Variants in PLCH2 observed in about 807,000 individuals in gnomAD.
The protein encoded by PLCH2 is 1-phosphatidylinositol 4,5-bisphosphate phosphodiesterase eta-2.
PLCH2 carries 98 observed loss-of-function variants against 134.7 expected under a neutral mutation model. The observed-to-expected ratio is 0.73, with a 90% confidence interval of 0.62 to 0.86. The LOEUF is 0.86. PLCH2 is among the 40% of genes least tolerant of loss of function. PLCH2 has a pLI of 0.00. For missense variants in PLCH2, 1,994 were observed against 1,986.6 expected (o/e 1.00, Z -0.07); for synonymous variants, 974 against 827.5 (o/e 1.18, Z -3.04).
rs923333930 is a variant in PLCH2 at position 2,444,331 on chromosome 1, C to T, written c.115+13702C>T. The stretch of plus-strand genomic sequence containing the variant: ...CCCCGATCCCTGCCGGATGGTGCCG[C>T]AGGGCACCCTGTGTGGGTCCGGGAG... On this transcript the variant is annotated intron_variant, in intron 2 of 3. Coordinates refer to the PLCH2 transcript ENST00000609981. The surrounding 1 kb of genome is among the most constrained non-coding windows in gnomAD (Gnocchi z 4.6). 1.3e-5 allele frequency among the ~76,000 whole-genome samples: 2 copies of T among 152,248 alleles called. No individual in the cohort carries two copies. Among genetic ancestry groups the T allele is most frequent in the African/African-American group, 4.8e-5 (2 of 41,466 alleles).
rs1048599367 is a variant in PLCH2, at chr1:2,504,242, G to A, written c.3280G>A (p.Val1094Met). Residue 1094 changes from valine (V) to methionine (M), a missense_variant, in exon 22 of 22, where the codon GTG (valine) becomes ATG (methionine). Physicochemically the swap from Val to Met is conservative, Grantham distance 21. This residue lies in a region of PLCH2 where 900 missense variants were observed against 752.3 expected (regional missense o/e 1.20). Transcript: ENST00000378486. ...TLGHLPVIRRVKSEGQVPTEP... is the reference protein window; with the variant it reads ...TLGHLPVIRRMKSEGQVPTEP... ...GGGCCACCTGCCCGTGATTAGAAGG[G>A]TGAAGAGTGAGGGGCAGGTGCCCAC... The A allele has an allele frequency of 6.3e-7, 1 of 1,583,402 alleles. No homozygotes were observed. Among genetic ancestry groups the A allele is most frequent in the Non-Finnish European group, 8.6e-7 (1 of 1,166,412 alleles).
Position 2,504,424 on chromosome 1 carries a change from T to C in PLCH2, c.3462T>C (p.Thr1154=), listed in dbSNP as rs777607396. 2 of 1,611,524 alleles carry C rather than the reference T, an allele frequency of 1.2e-6. No homozygotes were observed. The highest frequency in any genetic ancestry group is 2.2e-5 in the East Asian group (1 of 44,750). The change falls in exon 22 of 22, where the codon ACT becomes ACC. Residue 1154 remains threonine (T), a synonymous_variant. Coordinates refer to ENST00000378486, the MANE Select transcript of PLCH2 (RefSeq NM_014638.4). ...SSSSSMSSSD[T]VIDLSLPSLG... The stretch of plus-strand genomic sequence containing the variant: ...CCTCCAGCATGTCATCCAGCGACAC[T>C]GTCATTGACCTCTCCCTGCCCAGCC...
intron 2 of PLCH2, among the ~76,000 whole-genome samples, chr1:2,437,985 A>G (rs1639513044): frequency 6.6e-6 from 1 of 151,934 alleles, no homozygotes; most frequent in Non-Finnish European, 1.5e-5. Flanking sequence ...CCCCACCCCA[A>G]CTGAGCATCC....
intron 1 of PLCH2, among the ~76,000 whole-genome samples, chr1:2,477,539 G>C (rs556541593): frequency 1.3e-5 from 2 of 152,140 alleles, no homozygotes; most frequent in African/African-American, 2.4e-5. Context: ...TCTGGGACCC[G>C]GGCTTTCTGT....
At chr1:2,436,385 C>T (rs1248051385) in intron 2 of PLCH2, among the ~76,000 whole-genome samples, 7 of 81,814 alleles carry the variant, frequency 8.6e-5, no homozygotes, top group African/African-American at 1.7e-4. Flanking sequence ...CTCCTCCCTT[C>T]CTCCCTCCAC....
upstream of PLCH2, among the ~76,000 whole-genome samples, chr1:2,423,334 C>T (rs1638611673): frequency 6.6e-6 from 1 of 152,152 alleles, no homozygotes; most frequent in Non-Finnish European, 1.5e-5. Flanking sequence ...ACCACAGGCA[C>T]ATCCCCCCAC....
intron 8 of PLCH2, 108 bp downstream of exon 8, chr1:2,487,826 CTG>C (rs1642368332): frequency 1.8e-6 from 2 of 1,086,350 alleles, no homozygotes; most frequent in South Asian, 1.5e-5. Context: ...GGAGCAGTGA[CTG>C]TGGTGACCAG....
At chr1:2,435,809 GC>G (rs1639301487) in intron 2 of PLCH2, among the ~76,000 whole-genome samples, 1 of 133,400 alleles carries the variant, frequency 7.5e-6, no homozygotes. Flanking sequence ...TCTGGAGTGA[GC>G]CCCCACACCT....
chr1:2,453,546 G>A (rs1462996639), intron 2 of PLCH2, among the ~76,000 whole-genome samples: 1 of 152,152 alleles, frequency 6.6e-6, no homozygotes, highest in Non-Finnish European at 1.5e-5. Flanking sequence ...CACGTGTCCA[G>A]GGCCAGTGTC....
At chr1:2,453,624 C>A (rs1205940770) in intron 2 of PLCH2, among the ~76,000 whole-genome samples, 1 of 152,164 alleles carries the variant, frequency 6.6e-6, no homozygotes, top group Non-Finnish European at 1.5e-5. Flanking sequence ...AGGGGCAGGA[C>A]CCTCCACCAC....
At chr1:2,456,094 T>C (rs1282892266) in intron 2 of PLCH2, among the ~76,000 whole-genome samples, 1 of 152,240 alleles carries the variant, frequency 6.6e-6, no homozygotes, top group African/African-American at 2.4e-5. Context: ...GGGGCAGCAT[T>C]GGCTGTGGGT....
chr1:2,436,585 C>CT (rs1436277872), intron 2 of PLCH2, among the ~76,000 whole-genome samples: 1 of 135,988 alleles, frequency 7.4e-6, no homozygotes, highest in African/African-American at 2.8e-5. Flanking sequence ...TCCCTCCTCC[C>CT]TCCTCCCTTC....
intron 11 of PLCH2, chr1:2,494,437 C>A (rs1001864803): frequency 1.3e-5 from 4 of 305,842 alleles, no homozygotes; most frequent in Non-Finnish European, 2.5e-5. Flanking sequence ...CAGGTCAGGG[C>A]CGTGGAATGC....
intron 2 of PLCH2, among the ~76,000 whole-genome samples, chr1:2,440,745 T>C (rs1261169923): frequency 6.6e-6 from 1 of 152,258 alleles, no homozygotes; most frequent in Admixed American, 6.5e-5. Flanking sequence ...CTTGAGCCTC[T>C]GGCTCAGGAT....
chr1:2,488,011 C>T (rs1280525874), intron 8 of PLCH2, among the ~76,000 whole-genome samples: 1 of 152,250 alleles, frequency 6.6e-6, no homozygotes, highest in Admixed American at 6.5e-5. Flanking sequence ...CCCTGAGAAG[C>T]CACTCTGTGT....
intron 15 of PLCH2, 88 bp downstream of exon 15, chr1:2,497,098 T>C (rs1642936950): frequency 4.5e-6 from 6 of 1,339,574 alleles, no homozygotes; most frequent in Non-Finnish European, 6.2e-6. Flanking sequence ...GGGGACCCGC[T>C]GGGGCCTCGG....
At chr1:2,485,601 G>A (rs914296635) in intron 5 of PLCH2, among the ~76,000 whole-genome samples, 2 of 151,890 alleles carry the variant, frequency 1.3e-5, no homozygotes, top group Non-Finnish European at 2.9e-5. Flanking sequence ...CTCAGCCTGG[G>A]GGTGCTGCTT....
Position 2,448,707 on chromosome 1 carries a change from G to A in PLCH2, c.115+18078G>A, listed in dbSNP as rs1054790793. ...GCTGAGGTCCCACAGGCCCCCTGGC[G>A]CAGCCTCCTGGCTCCCCACCATCCC... is the stretch of plus-strand genomic sequence containing the variant. On this transcript the variant is annotated intron_variant, in intron 2 of 3. Coordinates refer to the PLCH2 transcript ENST00000609981. The surrounding 1 kb of genome is among the most constrained non-coding windows in gnomAD (Gnocchi z 4.0). Among the ~76,000 whole-genome samples, 7 of 151,834 alleles carry A rather than the reference G, an allele frequency of 4.6e-5. No homozygotes were observed. The highest frequency in any genetic ancestry group is 7.4e-5 in the Non-Finnish European group (5 of 67,896).
intron 2 of PLCH2, among the ~76,000 whole-genome samples, chr1:2,462,314 CCT>C (rs1640857454): frequency 7.4e-6 from 1 of 134,472 alleles, no homozygotes; most frequent in Non-Finnish European, 1.6e-5. Context: ...CCTGACACCC[CCT>C]CTGCCTGACA....
Sources: allele counts gnomAD v4.1 joint callset (sites outside exome capture counted in the v4.1 genomes callset), GRCh38; gene constraint gnomAD v4.1.1; regional missense constraint gnomAD v4.1.1; non-coding constraint Gnocchi (gnomAD v3.1); transcripts MANE v1.5; gene names NCBI Gene and HGNC (gene_info 2026-07-23, HGNC 2026-07-21).